TM9SF3: variants seen among roughly 807,000 people sequenced by gnomAD.
TM9SF3 encodes the protein SM-11044-binding protein.
Under a neutral mutation model 78.6 loss-of-function variants are expected in TM9SF3, and 14 were observed. The ratio of observed to expected loss-of-function variants is 0.18; its 90% CI spans 0.12 to 0.28. TM9SF3 has a LOEUF of 0.28. TM9SF3 is among the 10% of genes least tolerant of loss of function. The probability of loss-of-function intolerance (pLI) is 1.00; values close to 1 mark genes in which losing one functional copy is unlikely to be tolerated. For missense variants in TM9SF3, 496 were observed against 721.9 expected, an observed-to-expected ratio of 0.69 and a Z score of 3.59; for synonymous variants, 231 against 241.7, an observed-to-expected ratio of 0.96 and a Z score of 0.41.
At chr10:96,529,915 T>C (rs1270650693) in intron 11 of TM9SF3, among the ~76,000 whole-genome samples, 1 of 152,182 alleles carries the variant, frequency 6.6e-6, no homozygotes, top group African/African-American at 2.4e-5. Flanking sequence ...GAAAGTCCCA[T>C]ACGGTGAACT....
At position 96,518,746 on chromosome 10, in the gene TM9SF3, C is replaced by T. The variant is rs1042251051; in HGVS notation, c.*3517G>A. The T allele has an allele frequency of 3.3e-5, 5 of 152,102 alleles. No individual in the cohort carries two copies. Among genetic ancestry groups the T allele is most frequent in the African/African-American group, 9.7e-5 (4 of 41,440 alleles). The allele number at this position is 152,102 out of a possible 1,614,324, so 9.4% of individuals were successfully genotyped here. On this transcript the variant is annotated 3_prime_UTR_variant, in exon 15 of 15. Coordinates refer to ENST00000371142, the MANE Select transcript of TM9SF3 (RefSeq NM_020123.4). Reference sequence around the variant, plus strand: ...AGATTTCTGCAGGTTCATATGTTAACGTTCTGATCTAGCCTACCTGTAAGT... The same window carrying T: ...AGATTTCTGCAGGTTCATATGTTAATGTTCTGATCTAGCCTACCTGTAAGT...
intron 2 of TM9SF3, among the ~76,000 whole-genome samples, chr10:96,567,944 A>G (rs911220441): frequency 6.6e-6 from 1 of 152,354 alleles, no homozygotes; most frequent in African/African-American, 2.4e-5. Context: ...GAAAATGCCA[A>G]TTTATAAACA....
chr10:96,574,586 A>C (rs1052695100), intron 2 of TM9SF3, among the ~76,000 whole-genome samples: 2 of 152,266 alleles, frequency 1.3e-5, no homozygotes, highest in Middle Eastern at 3.4e-3. Flanking sequence ...TATACCCCAA[A>C]AATTATAAAT....
chr10:96,557,241 C>T (rs1017600452), intron 5 of TM9SF3, among the ~76,000 whole-genome samples: 6 of 152,134 alleles, frequency 3.9e-5, no homozygotes, highest in East Asian at 1.9e-4. Flanking sequence ...ATTTGGATAT[C>T]GTACAGACAC....
At chr10:96,562,216 GTTTTTTTTT>G (rs34868868) in intron 3 of TM9SF3, 78 bp from the exon 4 acceptor site, 2 of 560,868 alleles carry the variant, frequency 3.6e-6, no homozygotes, top group Non-Finnish European at 5.4e-6. Context: ...TGCTCATTAA[GTTTTTTTTT>G]TTTTTTTTTT....
At chr10:96,576,486 A>T in intron 2 of TM9SF3, 148 bp downstream of exon 2, 1 of 662,366 alleles carries the variant, frequency 1.5e-6, no homozygotes, top group Non-Finnish European at 2.2e-6. Context: ...TGGGGGGTAC[A>T]GGCCAGGGAC....
At chr10:96,560,512 A>G in intron 4 of TM9SF3, 4 of 724,434 alleles carry the variant, frequency 5.5e-6, no homozygotes, top group South Asian at 1.3e-5. Flanking sequence ...GGGCCAGTGT[A>G]TATTAGTGGA....
In TM9SF3 at chr10:96,544,143, G is replaced by A. The variant is rs1330882044; in HGVS notation, c.1118C>T (p.Thr373Ile). The stretch of plus-strand genomic sequence containing the variant: ...GGCTATGAAATTGATGAAGAAGGCA[G>A]TGCCACACACCATAGCTGGGATAAG... ...AFLIPAMVCG[T>I]AFFINFIAIY... The change falls in exon 9 of 15, where the codon ACT becomes ATT. Residue 373 changes from threonine (T) to isoleucine (I), a missense_variant. Around this residue, in one of 4 missense-constraint regions of TM9SF3, gnomAD observed 280 missense variants for 422.6 expected, o/e 0.66. Transcript: ENST00000371142. 6.2e-6 allele frequency: 10 copies of A among 1,613,330 alleles called. No individual in the cohort carries two copies. The highest frequency in any genetic ancestry group is 8.5e-6 in the Non-Finnish European group (10 of 1,179,644).
Position 96,518,276 on chromosome 10 carries a change from G to A in TM9SF3, c.*3987C>T, listed in dbSNP as rs963055869. The A allele has an allele frequency of 6.6e-6, 1 of 152,122 alleles. No individual in the cohort carries two copies. Among genetic ancestry groups the A allele is most frequent in the African/African-American group, 2.4e-5 (1 of 41,420 alleles). The allele number at this position is 152,122 out of a possible 1,614,324, so 9.4% of individuals were successfully genotyped here. On this transcript the variant is annotated 3_prime_UTR_variant, in exon 15 of 15. Coordinates refer to ENST00000371142, the MANE Select transcript of TM9SF3 (RefSeq NM_020123.4). ...AAAGAGTGTATACAAAATGGAAGTG[G>A]TCATCAGGCAATAATTGTTTCCTTG...
intron 14 of TM9SF3, among the ~76,000 whole-genome samples, chr10:96,522,566 C>A (rs1847791623): frequency 6.6e-6 from 1 of 151,816 alleles, no homozygotes; most frequent in East Asian, 1.9e-4. Flanking sequence ...GCAATTATTT[C>A]TTGTATAATC....
In TM9SF3 at chr10:96,576,552, A is replaced by T. The variant is rs937536340; in HGVS notation, c.298+82T>A. ...GCTCCATACAACAAAGAATTATCCA[A>T]CACCAGTGTCAATAGTGCCAAAATA... On this transcript the variant is annotated intron_variant, in intron 2 of 14. Coordinates refer to ENST00000371142, the MANE Select transcript of TM9SF3 (RefSeq NM_020123.4). 4.7e-6 allele frequency: 6 copies of T among 1,273,176 alleles called. No individual in the cohort carries two copies. The African/African-American group carries it at 6.1e-5, about 13-fold the overall frequency. 78.9% of individuals were successfully genotyped at this position (1,273,176 alleles called of 1,614,324 possible).
At chr10:96,526,744 T>C (rs568570641) in intron 14 of TM9SF3, among the ~76,000 whole-genome samples, 29 of 152,240 alleles carry the variant, frequency 1.9e-4, no homozygotes, top group Non-Finnish European at 3.8e-4. Context: ...TGCTGTCTCC[T>C]AGGTGTCTCC....
chr10:96,578,931 C>T (rs1222958483), intron 1 of TM9SF3, among the ~76,000 whole-genome samples: 1 of 152,152 alleles, frequency 6.6e-6, no homozygotes, highest in Non-Finnish European at 1.5e-5. Context: ...CAAATATTAG[C>T]AGGGTGTCGT....
intron 8 of TM9SF3, among the ~76,000 whole-genome samples, chr10:96,544,740 GA>G (rs1848076958): frequency 6.6e-6 from 1 of 151,100 alleles, no homozygotes; most frequent in African/African-American, 2.4e-5. Context: ...TTAAAAAGAA[GA>G]AAAAAGTCTA....
At chr10:96,538,204 A>C (rs1847982217) in intron 9 of TM9SF3, among the ~76,000 whole-genome samples, 1 of 152,236 alleles carries the variant, frequency 6.6e-6, no homozygotes, top group African/African-American at 2.4e-5. Flanking sequence ...AACAAGAGAA[A>C]ATCCAGCAAT....
intron 2 of TM9SF3, among the ~76,000 whole-genome samples, chr10:96,573,961 C>G (rs1848468360): frequency 6.6e-6 from 1 of 152,144 alleles, no homozygotes; most frequent in South Asian, 2.1e-4. Context: ...AGACCTAAAA[C>G]CATAAAAATC....
At chr10:96,534,237 T>C (rs1847929358) in intron 9 of TM9SF3, among the ~76,000 whole-genome samples, 2 of 152,180 alleles carry the variant, frequency 1.3e-5, no homozygotes, top group Non-Finnish European at 2.9e-5. Context: ...TACTGTCATC[T>C]CCTTTTCAGA....
intron 9 of TM9SF3, among the ~76,000 whole-genome samples, chr10:96,539,592 T>C (rs997873918): frequency 2.0e-5 from 3 of 152,308 alleles, no homozygotes; most frequent in Non-Finnish European, 4.4e-5. Flanking sequence ...GTGACAAACA[T>C]CTTTATCTTG....
intron 7 of TM9SF3, 137 bp from the exon 8 acceptor site, chr10:96,548,126 T>C: frequency 1.8e-6 from 1 of 558,856 alleles, no homozygotes; most frequent in Non-Finnish European, 3.0e-6. Context: ...GGACTACAAA[T>C]AAAACTCAAA....
Sources: gnomAD v4.1 joint callset for allele counts (sites outside exome capture counted in the v4.1 genomes callset) on GRCh38, gnomAD v4.1.1 for gene constraint, gnomAD v4.1.1 regional missense constraint, MANE v1.5 for transcripts, NCBI Gene and HGNC (gene_info 2026-07-23, HGNC 2026-07-21) for gene names.